Variants in CSMD3 observed in about 807,000 individuals in gnomAD.
The protein encoded by CSMD3 is CUB and Sushi multiple domains 3, also known as CUB and sushi domain-containing protein 3.
In CSMD3, 177 loss-of-function variants were observed where a neutral mutation model predicts 435.2. The observed-to-expected ratio is 0.41, with a 90% CI of 0.36 to 0.46. The LOEUF is 0.46. Ranked by LOEUF, CSMD3 falls within the 20% of genes least tolerant of loss-of-function variation. The pLI, the probability that CSMD3 is intolerant of heterozygous loss-of-function variation, is 0.34. For missense variants in CSMD3, 4,265 were observed against 4,504.6 expected, an observed-to-expected ratio of 0.95 and a Z score of 1.52; for synonymous variants, 1,656 against 1,520.5, an observed-to-expected ratio of 1.09 and a Z score of -2.07.
At chr8:112,735,924 C>A (rs898011374) in intron 13 of CSMD3, among the ~76,000 whole-genome samples, 1 of 151,894 alleles carries the variant, frequency 6.6e-6, no homozygotes, top group East Asian at 1.9e-4. Context: ...GCATCATCAT[C>A]AAAATCTAAA....
intron 22 of CSMD3, among the ~76,000 whole-genome samples, chr8:112,589,913 A>G (rs1409107893): frequency 6.6e-6 from 1 of 152,172 alleles, no homozygotes; most frequent in African/African-American, 2.4e-5. Context: ...TAACAAATGT[A>G]TGACTCAGAA....
At chr8:112,914,314 G>T (rs1415025082) in intron 10 of CSMD3, among the ~76,000 whole-genome samples, 2 of 151,804 alleles carry the variant, frequency 1.3e-5, no homozygotes, top group Non-Finnish European at 2.9e-5. Flanking sequence ...TTTTCAATGA[G>T]ATAATACATT....
intron 47 of CSMD3, among the ~76,000 whole-genome samples, chr8:112,316,445 AAAGT>A (rs1342576757): frequency 2.6e-5 from 4 of 151,828 alleles, no homozygotes; most frequent in South Asian, 2.1e-4. Context: ...AGGCCAAAAA[AAAGT>A]AAGTATGTGG....
chr8:112,719,714 A>T (rs1029535392), intron 13 of CSMD3, among the ~76,000 whole-genome samples: 1 of 152,186 alleles, frequency 6.6e-6, no homozygotes, highest in Non-Finnish European at 1.5e-5. Flanking sequence ...CAGTAGGTGG[A>T]AGACTGAAAG....
intron 4 of CSMD3, among the ~76,000 whole-genome samples, chr8:113,133,011 A>C (rs999614801): frequency 6.6e-6 from 1 of 152,148 alleles, no homozygotes; most frequent in African/African-American, 2.4e-5. Flanking sequence ...TTCACAGTAC[A>C]TTCTTGAAAT....
At chr8:113,067,189 A>C (rs1418660811) in intron 5 of CSMD3, among the ~76,000 whole-genome samples, 1 of 152,138 alleles carries the variant, frequency 6.6e-6, no homozygotes, top group Non-Finnish European at 1.5e-5. Flanking sequence ...ACATTCTACT[A>C]AGATCCAGAC....
intron 26 of CSMD3, 38 bp downstream of exon 26, chr8:112,552,556 G>A (rs2131200440): frequency 1.3e-6 from 2 of 1,599,338 alleles, no homozygotes; most frequent in Non-Finnish European, 1.7e-6. Flanking sequence ...AGGCACTTCA[G>A]ATTCCCTAGT....
At chr8:112,709,485 T>C (rs1180867446) in intron 13 of CSMD3, among the ~76,000 whole-genome samples, 2 of 152,056 alleles carry the variant, frequency 1.3e-5, no homozygotes, top group Non-Finnish European at 2.9e-5. Context: ...GAATAAACAC[T>C]TGGTTTTTAA....
chr8:113,098,497 C>T lies in CSMD3; in HGVS notation c.917+259G>A, dbSNP rs566099012. The T allele has an allele frequency of 2.0e-4, 88 of 449,594 alleles. 1 individual carries two copies. The South Asian group carries it at 2.0e-3, about 10-fold the overall frequency. The allele number at this position is 449,594 out of a possible 1,614,324, so 27.9% of individuals were successfully genotyped here. A position where few individuals can be genotyped will look rare whatever the true frequency, so the allele number is the denominator to read the frequency against. ...TTTGAGAGAAACCATCAAGTTTGGA[C>T]TGGCATGCTAAAAAACACAACTGTA... On this transcript the variant is annotated intron_variant, in intron 5 of 70. Coordinates refer to ENST00000297405, the MANE Select transcript of CSMD3 (RefSeq NM_198123.2).
intron 3 of CSMD3, among the ~76,000 whole-genome samples, chr8:113,200,292 C>T (rs960731166): frequency 6.6e-6 from 1 of 151,708 alleles, no homozygotes; most frequent in African/African-American, 2.4e-5. Context: ...CCATTGCTAC[C>T]ACCTTATTTC....
Position 112,346,078 on chromosome 8 carries a change from G to C in CSMD3, c.6442+19C>G, listed in dbSNP as rs776363414. 3 of 1,200,166 alleles carry C rather than the reference G, an allele frequency of 2.5e-6. No individual in the cohort carries two copies. The South Asian group carries it at 3.6e-5, about 15-fold the overall frequency. 74.3% of individuals were successfully genotyped at this position (1,200,166 alleles called of 1,614,324 possible). On this transcript the variant is annotated intron_variant, in intron 41 of 70. Transcript: ENST00000297405. Reference sequence around the variant, plus strand: ...TAATAAATATTGAAAGCTCTTTCACGTGTTTTTAATACACATACCAAAACC... The same window carrying C: ...TAATAAATATTGAAAGCTCTTTCACCTGTTTTTAATACACATACCAAAACC...
chr8:113,203,106 T>C (rs927316436), intron 3 of CSMD3, among the ~76,000 whole-genome samples: 1 of 152,036 alleles, frequency 6.6e-6, no homozygotes, highest in African/African-American at 2.4e-5. Flanking sequence ...TTCTAGTAAA[T>C]AGCCAGAAGG....
At chr8:112,247,207 A>G in intron 63 of CSMD3, 76 bp from the exon 64 acceptor site, 1 of 868,070 alleles carries the variant, frequency 1.2e-6, no homozygotes, top group South Asian at 1.4e-5. Context: ...CTTGAGTGAG[A>G]AAATGTTATC....
At chr8:113,168,222 G>GT (rs1002342541) in intron 4 of CSMD3, among the ~76,000 whole-genome samples, 8 of 152,074 alleles carry the variant, frequency 5.3e-5, no homozygotes, top group African/African-American at 1.9e-4. Flanking sequence ...GTAATAAAAT[G>GT]TTTTTAAAAA....
chr8:112,525,751 C>CAT (rs553559009), intron 27 of CSMD3, among the ~76,000 whole-genome samples: 10,043 of 119,290 alleles, frequency 0.084, 421 homozygotes, highest in East Asian at 0.17. Context: ...CATATATATA[C>CAT]ATATATATAT....
intron 17 of CSMD3, among the ~76,000 whole-genome samples, chr8:112,662,154 A>C (rs1450760274): frequency 1.3e-5 from 2 of 152,210 alleles, no homozygotes; most frequent in African/African-American, 2.4e-5. Context: ...CTTTCTTCAC[A>C]GAATTGGAAA....
intron 32 of CSMD3, among the ~76,000 whole-genome samples, chr8:112,452,333 T>C (rs547920762): frequency 6.6e-6 from 1 of 152,162 alleles, no homozygotes; most frequent in Admixed American, 6.5e-5. Flanking sequence ...GTCCTGAAAA[T>C]ATGAGGATCC....
chr8:112,486,067 T>G (rs1271078756), intron 31 of CSMD3, among the ~76,000 whole-genome samples: 3 of 151,852 alleles, frequency 2.0e-5, no homozygotes, highest in Non-Finnish European at 4.4e-5. Flanking sequence ...CAGAGTTGTA[T>G]TTCAGATGAA....
At position 112,301,657 on chromosome 8, in the gene CSMD3, G is replaced by C. The variant is rs914417797; in HGVS notation, c.8440+136C>G. 11 of 681,344 alleles carry C rather than the reference G, an allele frequency of 1.6e-5. No individual in the cohort carries two copies. In the Middle Eastern group the frequency reaches 1.0e-3, roughly 64 times the overall value. The allele number at this position is 681,344 out of a possible 1,614,324, so 42.2% of individuals were successfully genotyped here. A position where few individuals can be genotyped will look rare whatever the true frequency, so the allele number is the denominator to read the frequency against. Reference sequence around the variant, plus strand: ...TTTTCTATCATGAGCCATTTTTAAAGATAAGTATTTTCTGGTTTTTAACAT... The same window carrying C: ...TTTTCTATCATGAGCCATTTTTAAACATAAGTATTTTCTGGTTTTTAACAT... On this transcript the variant is annotated intron_variant, in intron 53 of 70. Transcript: ENST00000297405.
Sources: gnomAD v4.1 joint callset for allele counts (sites outside exome capture counted in the v4.1 genomes callset) on GRCh38, gnomAD v4.1.1 for gene constraint, MANE v1.5 for transcripts, NCBI Gene and HGNC (gene_info 2026-07-23, HGNC 2026-07-21) for gene names.